Variants in ZBTB20 observed in about 807,000 individuals in gnomAD.
ZBTB20 encodes the protein zinc finger and BTB domain-containing protein 20.
A neutral mutation model predicts 56.9 loss-of-function variants in ZBTB20; 9 were observed. That is an observed-to-expected ratio of 0.16 (90% CI 0.10 to 0.28). The LOEUF is 0.28. Ranked by LOEUF, ZBTB20 falls within the 10% of genes least tolerant of loss-of-function variation. The pLI is 1.00. For synonymous variants in ZBTB20, 417 were observed against 420.7 expected (o/e 0.99, Z 0.11); for missense variants, 655 against 1,003.0 (o/e 0.65, Z 4.69).
intron 3 of ZBTB20, among the ~76,000 whole-genome samples, chr3:114,958,476 A>T (rs1472794): frequency 0.99 from 150,754 of 152,258 alleles, 74,655 homozygotes; most frequent in Middle Eastern, 1. Context: ...AGTGGGTGAG[A>T]TTTTCTTATT....
intron 1 of ZBTB20, among the ~76,000 whole-genome samples, chr3:115,127,175 C>G (rs1297698357): frequency 6.6e-6 from 1 of 152,088 alleles, no homozygotes; most frequent in African/African-American, 2.4e-5. Context: ...ATATGAGGTG[C>G]TGGGGAAGCT....
At chr3:114,712,783 C>T (rs531395591) in intron 5 of ZBTB20, among the ~76,000 whole-genome samples, 9 of 151,964 alleles carry the variant, frequency 5.9e-5, no homozygotes, top group African/African-American at 2.2e-4. Flanking sequence ...GAAGAGGTGA[C>T]AAAATATATA....
chr3:114,626,897 G>C (rs1409399589), intron 6 of ZBTB20, among the ~76,000 whole-genome samples: 3 of 152,184 alleles, frequency 2.0e-5, no homozygotes, highest in African/African-American at 7.2e-5. Context: ...GCTGATGAAT[G>C]CTGACACCCA....
At chr3:114,568,742 G>A (rs2053083317) in intron 6 of ZBTB20, among the ~76,000 whole-genome samples, 5 of 152,192 alleles carry the variant, frequency 3.3e-5, no homozygotes, top group Admixed American at 3.3e-4. Context: ...AACAGGACAT[G>A]AATGACCTGA....
intron 6 of ZBTB20, among the ~76,000 whole-genome samples, chr3:114,534,503 C>T (rs543246267): frequency 2.0e-5 from 3 of 152,222 alleles, no homozygotes; most frequent in East Asian, 3.9e-4. Flanking sequence ...TTCTTAGAGA[C>T]CTACAAAGAG....
At chr3:115,139,241 T>C (rs1347016858) in intron 1 of ZBTB20, among the ~76,000 whole-genome samples, 1 of 152,080 alleles carries the variant, frequency 6.6e-6, no homozygotes, top group Non-Finnish European at 1.5e-5. Context: ...TTCCTGCAGA[T>C]TGCTGTTTCC....
At position 115,104,446 on chromosome 3, in the gene ZBTB20, T is replaced by C. The variant is rs184972554; in HGVS notation, c.-702-33032A>G. ...TGCCAATATTTGGAAGAAATTAATA[T>C]GCCCATTAGTAGATGAATGGATAAA... On this transcript the variant is annotated intron_variant, in intron 1 of 11. Coordinates refer to ENST00000675478, the MANE Select transcript of ZBTB20 (RefSeq NM_001348800.3). 4.6e-5 allele frequency among the ~76,000 whole-genome samples: 7 copies of C among 152,362 alleles called. No individual in the cohort carries two copies. In the East Asian group the frequency reaches 1.3e-3, roughly 29 times the overall value.
At chr3:114,601,063 C>G (rs2056726231) in intron 6 of ZBTB20, among the ~76,000 whole-genome samples, 1 of 151,154 alleles carries the variant, frequency 6.6e-6, no homozygotes, top group Non-Finnish European at 1.5e-5. Context: ...TCAAGAAAAA[C>G]AGTTATGTTT....
At chr3:114,892,089 T>A (rs1270034335) in intron 4 of ZBTB20, among the ~76,000 whole-genome samples, 1 of 152,172 alleles carries the variant, frequency 6.6e-6, no homozygotes, top group Non-Finnish European at 1.5e-5. Flanking sequence ...CAAAATATAT[T>A]TTACATACTT....
chr3:114,786,520 T>C (rs1242545011), intron 5 of ZBTB20, among the ~76,000 whole-genome samples: 1 of 152,072 alleles, frequency 6.6e-6, no homozygotes, highest in East Asian at 1.9e-4. Flanking sequence ...ATTGAATTAA[T>C]ATACTGTCAT....
chr3:115,071,523 C>A (rs1560546712), intron 1 of ZBTB20, 109 bp from the exon 2 acceptor site: 1 of 152,150 alleles, frequency 6.6e-6, no homozygotes, highest in Non-Finnish European at 1.5e-5. Context: ...CCTTTACAAA[C>A]TAAACAAAGT....
intron 3 of ZBTB20, among the ~76,000 whole-genome samples, chr3:114,945,003 A>C (rs1484491812): frequency 6.9e-6 from 1 of 145,770 alleles, no homozygotes; most frequent in Non-Finnish European, 1.5e-5. Context: ...AAACACGATA[A>C]TTATTTGAGG....
intron 6 of ZBTB20, among the ~76,000 whole-genome samples, chr3:114,576,382 G>A (rs576108533): frequency 4.6e-5 from 7 of 150,866 alleles, no homozygotes; most frequent in South Asian, 4.2e-4. Flanking sequence ...GGCGCCTGTA[G>A]TCCCAGCTAC....
chr3:114,865,802 TGAA>T (rs2075742302), intron 4 of ZBTB20, among the ~76,000 whole-genome samples: 1 of 152,184 alleles, frequency 6.6e-6, no homozygotes, highest in Non-Finnish European at 1.5e-5. Flanking sequence ...AATTCATGGA[TGAA>T]GGTAGTATCC....
At chr3:114,783,085 T>A (rs1296455206) in intron 5 of ZBTB20, among the ~76,000 whole-genome samples, 1 of 152,198 alleles carries the variant, frequency 6.6e-6, no homozygotes, top group Non-Finnish European at 1.5e-5. Context: ...CTGAGTACAT[T>A]GGAAACCACG....
intron 5 of ZBTB20, among the ~76,000 whole-genome samples, chr3:114,718,907 A>AT (rs1443160316): frequency 6.6e-6 from 1 of 151,896 alleles, no homozygotes; most frequent in East Asian, 1.9e-4. Context: ...AATTATACAC[A>AT]TATGTATTTA....
At chr3:114,988,993 G>A (rs183438677) in intron 2 of ZBTB20, among the ~76,000 whole-genome samples, 10 of 152,182 alleles carry the variant, frequency 6.6e-5, no homozygotes, top group Admixed American at 2.0e-4. Context: ...TGTAGATTCT[G>A]GATATTAGCC....
intron 2 of ZBTB20, among the ~76,000 whole-genome samples, chr3:114,988,921 A>G (rs2078675947): frequency 6.6e-6 from 1 of 152,152 alleles, no homozygotes; most frequent in Non-Finnish European, 1.5e-5. Flanking sequence ...GTCTGTTCAC[A>G]TCCTTCGCCC....
At chr3:114,841,783 C>T (rs763129804) in intron 4 of ZBTB20, among the ~76,000 whole-genome samples, 1 of 152,106 alleles carries the variant, frequency 6.6e-6, no homozygotes, top group Non-Finnish European at 1.5e-5. Context: ...GAAGGCAGTG[C>T]TCAGAGAGAA....
Sources: gnomAD v4.1 joint callset for allele counts (sites outside exome capture counted in the v4.1 genomes callset) on GRCh38, gnomAD v4.1.1 for gene constraint, MANE v1.5 for transcripts, NCBI Gene and HGNC (gene_info 2026-07-23, HGNC 2026-07-21) for gene names.